The following SLC24A2 variants were observed in gnomAD, a reference collection of about 807,000 sequenced individuals.
SLC24A2 encodes solute carrier family 24 member 2.
SLC24A2 carries 36 observed loss-of-function variants against 62.0 expected under a neutral mutation model. The ratio of observed to expected loss-of-function variants is 0.58; its 90% CI spans 0.44 to 0.77. The LOEUF is 0.77. Ranked by LOEUF, SLC24A2 falls within the 30% of genes least tolerant of loss-of-function variation. The pLI is 0.00. For missense variants in SLC24A2, 846 were observed against 817.9 expected, an observed-to-expected ratio of 1.03 and a Z score of -0.42; for synonymous variants, 358 against 294.0, an observed-to-expected ratio of 1.22 and a Z score of -2.23.
At position 19,659,611 on chromosome 9, in the gene SLC24A2, T is replaced by C. The variant is rs1483024143; in HGVS notation, c.931-37312A>G. 2.6e-5 allele frequency among the ~76,000 whole-genome samples: 4 copies of C among 152,106 alleles called. No homozygotes were observed. The East Asian group carries it at 7.7e-4, about 29-fold the overall frequency. On this transcript the variant is annotated intron_variant, in intron 2 of 10. Transcript: ENST00000341998. ...ACTAATAACAATCATGGGTAAAACT[T>C]ACATAGTGCTTATATTAACTCCCTT...
At chr9:19,551,147 C>A (rs1834822849) in intron 7 of SLC24A2, among the ~76,000 whole-genome samples, 2 of 152,220 alleles carry the variant, frequency 1.3e-5, no homozygotes, top group African/African-American at 4.8e-5. Context: ...ACACCCTTCT[C>A]AGGTTGTGAG....
chr9:20,203,949 G>C, the SLC24A2 span, among the ~76,000 whole-genome samples: 263 of 149,774 alleles, frequency 1.8e-3, 3 homozygotes, highest in East Asian at 0.047. Flanking sequence ...TCTTTTCCTA[G>C]TAACAAAAAC....
At chr9:19,749,008 C>A (rs552299567) in intron 2 of SLC24A2, among the ~76,000 whole-genome samples, 31 of 150,972 alleles carry the variant, frequency 2.1e-4, no homozygotes, top group Non-Finnish European at 4.3e-4. Context: ...CACATTTGAT[C>A]AGCACAACCA....
chr9:19,709,103 C>T lies in SLC24A2; in HGVS notation c.930+76834G>A, dbSNP rs531858007. 1.1e-3 allele frequency among the ~76,000 whole-genome samples: 171 copies of T among 152,282 alleles called. 1 individual carries two copies. The highest frequency in any genetic ancestry group is 0.01 in the Middle Eastern group (3 of 294). ...TCAAAAAGGGGGCGAAGGATATGAACAGACACTTCTCAAAAGAAGACATTT... is the reference window on the plus strand; with the variant it reads ...TCAAAAAGGGGGCGAAGGATATGAATAGACACTTCTCAAAAGAAGACATTT... On this transcript the variant is annotated intron_variant, in intron 2 of 10. Coordinates refer to ENST00000341998, the MANE Select transcript of SLC24A2 (RefSeq NM_020344.4).
At chr9:19,942,123 C>T in the SLC24A2 span, among the ~76,000 whole-genome samples, 13 of 152,236 alleles carry the variant, frequency 8.5e-5, no homozygotes, top group East Asian at 1.3e-3. Flanking sequence ...CATATTTTAT[C>T]TCATTTTGTC....
At chr9:20,103,627 G>A in the SLC24A2 span, among the ~76,000 whole-genome samples, 1 of 152,158 alleles carries the variant, frequency 6.6e-6, no homozygotes, top group Admixed American at 6.5e-5. Context: ...AAGAGACCTG[G>A]AGCTGAGGGT....
the SLC24A2 span, among the ~76,000 whole-genome samples, chr9:20,222,863 A>G: frequency 3.9e-5 from 6 of 152,154 alleles, no homozygotes; most frequent in Non-Finnish European, 7.4e-5. Context: ...CATTATCTTA[A>G]TAAAGCATTT....
At chr9:19,900,096 G>A in the SLC24A2 span, among the ~76,000 whole-genome samples, 2 of 152,202 alleles carry the variant, frequency 1.3e-5, no homozygotes, top group South Asian at 4.1e-4. Flanking sequence ...GTTGCAGTCT[G>A]TCTCTAGGAG....
In SLC24A2 at chr9:19,565,905, T is replaced by TAG. The variant is rs1408932802; in HGVS notation, c.1347+7445_1347+7446insCT. ...AATAAATGGTACTGGGAAAACTGGCTCGCTATATATAGAAAGCTGAAACTG... is the reference window on the plus strand; with the variant it reads ...AATAAATGGTACTGGGAAAACTGGCTAGCGCTATATATAGAAAGCTGAAACTG... On this transcript the variant is annotated intron_variant, in intron 7 of 10. Coordinates refer to ENST00000341998, the MANE Select transcript of SLC24A2 (RefSeq NM_020344.4). Among the ~76,000 whole-genome samples the TAG allele has an allele frequency of 6.0e-5, 9 of 150,322 alleles. No homozygotes were observed. In the East Asian group the frequency reaches 1.5e-3, roughly 26 times the overall value.
the SLC24A2 span, among the ~76,000 whole-genome samples, chr9:20,248,520 G>C: frequency 3.8e-3 from 574 of 152,252 alleles, 1 homozygote; most frequent in African/African-American, 0.011. Context: ...ATGGAAGAGA[G>C]CAGATAAAAA....
chr9:20,219,533 C>T, the SLC24A2 span, among the ~76,000 whole-genome samples: 1 of 152,144 alleles, frequency 6.6e-6, no homozygotes, highest in Non-Finnish European at 1.5e-5. Context: ...CCAAGTTTCT[C>T]CTAACTGGCA....
At chr9:20,010,363 C>G in the SLC24A2 span, among the ~76,000 whole-genome samples, 1 of 151,958 alleles carries the variant, frequency 6.6e-6, no homozygotes, top group Non-Finnish European at 1.5e-5. Flanking sequence ...ATTATTGCAC[C>G]ACCAAAAGAA....
chr9:20,072,349 G>A, the SLC24A2 span, among the ~76,000 whole-genome samples: 9 of 152,078 alleles, frequency 5.9e-5, no homozygotes. Flanking sequence ...CTTGCCTTGA[G>A]TGGGTGAAAG....
chr9:20,065,236 C>T, the SLC24A2 span, among the ~76,000 whole-genome samples: 13 of 152,198 alleles, frequency 8.5e-5, no homozygotes, highest in African/African-American at 2.7e-4. Flanking sequence ...TTCCTCTCTG[C>T]GTAAGAGTGG....
chr9:20,231,096 T>C, the SLC24A2 span, among the ~76,000 whole-genome samples: 6 of 152,160 alleles, frequency 3.9e-5, no homozygotes, highest in African/African-American at 1.4e-4. Context: ...GGTCTATATC[T>C]CTGTTTTGGT....
the SLC24A2 span, among the ~76,000 whole-genome samples, chr9:20,024,454 A>G: frequency 1.3e-5 from 2 of 152,230 alleles, no homozygotes; most frequent in Non-Finnish European, 2.9e-5. Flanking sequence ...TTTGGCCTTC[A>G]GCAAGTAGGT....
intron 2 of SLC24A2, among the ~76,000 whole-genome samples, chr9:19,706,418 C>T (rs1254371719): frequency 6.2e-5 from 9 of 144,682 alleles, no homozygotes; most frequent in South Asian, 2.2e-4. Flanking sequence ...TTCGCTCTGT[C>T]GCCCATGCTG....
the SLC24A2 span, among the ~76,000 whole-genome samples, chr9:20,064,964 T>A: frequency 6.6e-6 from 1 of 151,974 alleles, no homozygotes; most frequent in Non-Finnish European, 1.5e-5. Context: ...GACAGGCAGG[T>A]GAAAGTGAGT....
intron 2 of SLC24A2, among the ~76,000 whole-genome samples, chr9:19,742,351 A>G (rs1298539078): frequency 2.0e-5 from 3 of 152,240 alleles, no homozygotes; most frequent in African/African-American, 4.8e-5. Context: ...TCTGGATTAG[A>G]CTATTTCATA....
Sources: gnomAD v4.1 joint callset for allele counts (sites outside exome capture counted in the v4.1 genomes callset) on GRCh38, gnomAD v4.1.1 for gene constraint, MANE v1.5 for transcripts, NCBI Gene and HGNC (gene_info 2026-07-23, HGNC 2026-07-21) for gene names.